Variants in BBS9 observed in about 807,000 individuals in gnomAD.
BBS9 encodes the protein protein PTHB1.
A neutral mutation model predicts 117.7 loss-of-function variants in BBS9; 89 were observed. The ratio of observed to expected loss-of-function variants is 0.76; its 90% CI spans 0.64 to 0.90. BBS9 has a LOEUF of 0.90. Among genes scored for constraint, BBS9 ranks in the 40% least tolerant of loss-of-function variants. The pLI is 0.00. For missense variants in BBS9, 982 were observed against 1,042.2 expected (o/e 0.94, Z 0.80); for synonymous variants, 379 against 370.9 (o/e 1.02, Z -0.25).
intron 1 of BBS9, among the ~76,000 whole-genome samples, chr7:33,135,837 A>G (rs949639655): frequency 6.6e-6 from 1 of 152,064 alleles, no homozygotes; most frequent in Non-Finnish European, 1.5e-5. Flanking sequence ...ATTTATTTAG[A>G]TCTTCTTTAA....
intron 19 of BBS9, among the ~76,000 whole-genome samples, chr7:33,502,331 G>T (rs568213821): frequency 1.3e-5 from 2 of 152,288 alleles, no homozygotes; most frequent in African/African-American, 4.8e-5. Context: ...GGATTTTCAT[G>T]TAGTAAATAC....
intron 21 of BBS9, among the ~76,000 whole-genome samples, chr7:33,617,053 T>A (rs1048624990): frequency 3.9e-5 from 6 of 152,074 alleles, no homozygotes; most frequent in South Asian, 4.1e-4. Flanking sequence ...TCTTTTTTTT[T>A]AAATAAACGG....
intron 4 of BBS9, chr7:33,157,591 A>G (rs183807266): frequency 2.4e-4 from 36 of 152,328 alleles, no homozygotes; most frequent in Admixed American, 2.2e-3. Context: ...TTGAAGTTCC[A>G]GATTGAACTT....
chr7:33,470,402 A>T (rs557101781), intron 19 of BBS9, among the ~76,000 whole-genome samples: 2 of 151,672 alleles, frequency 1.3e-5, no homozygotes, highest in African/African-American at 4.8e-5. Flanking sequence ...TAAAATATAT[A>T]TTTTTTTCTA....
At chr7:33,317,085 C>T (rs1810665376) in intron 9 of BBS9, among the ~76,000 whole-genome samples, 1 of 152,096 alleles carries the variant, frequency 6.6e-6, no homozygotes. Context: ...TATCCAATTG[C>T]TCCAACACTA....
At position 33,155,668 on chromosome 7, in the gene BBS9, A is replaced by T; in HGVS notation, c.294A>T (p.Leu98Phe). ...CCGAAATGCTACATTTGGCTGTGTT[A>T]CATTCTAGAAAACTTTGTGTCTACT... Reference protein sequence around the residue: ...SGTEMLHLAVLHSRKLCVYSV... With the variant: ...SGTEMLHLAVFHSRKLCVYSV... Residue 98 changes from leucine to phenylalanine, a missense_variant, in exon 4 of 23, where the codon TTA becomes TTT. Leu to Phe is a conservative substitution (Grantham distance 22). Coordinates refer to ENST00000242067, the MANE Select transcript of BBS9 (RefSeq NM_198428.3). 6.3e-7 allele frequency: 1 copy of T among 1,599,718 alleles called. No homozygotes were observed.
intron 19 of BBS9, among the ~76,000 whole-genome samples, chr7:33,438,255 T>G (rs1289868559): frequency 6.6e-6 from 1 of 152,198 alleles, no homozygotes; most frequent in Admixed American, 6.5e-5. Context: ...GAAGCTTATA[T>G]TTTTAACCTC....
intron 1 of BBS9, among the ~76,000 whole-genome samples, chr7:33,132,439 C>T (rs111590255): frequency 1.1e-4 from 17 of 152,060 alleles, no homozygotes; most frequent in African/African-American, 3.9e-4. Flanking sequence ...TCCTTTAAGG[C>T]GAAGTCATTA....
chr7:33,362,549 T>C lies in BBS9; in HGVS notation c.1693+4554T>C, dbSNP rs943771596. ...TTCCACTGAATTGCCTTTTCAACTT[T>C]GTTGAAAATCATCTGACCACATTTA... On this transcript the variant is annotated intron_variant, in intron 16 of 22. Coordinates refer to ENST00000242067, the MANE Select transcript of BBS9 (RefSeq NM_198428.3). Among the ~76,000 whole-genome samples the C allele has an allele frequency of 5.9e-5, 9 of 152,322 alleles. No homozygotes were observed. The East Asian group carries it at 1.7e-3, about 29-fold the overall frequency.
chr7:33,302,341 A>C (rs1433946423), intron 9 of BBS9, among the ~76,000 whole-genome samples: 1 of 152,174 alleles, frequency 6.6e-6, no homozygotes, highest in Non-Finnish European at 1.5e-5. Flanking sequence ...ATTACTCAAG[A>C]AATCTTTGAG....
chr7:33,265,345 G>A (rs573110471), intron 7 of BBS9, among the ~76,000 whole-genome samples: 16 of 152,080 alleles, frequency 1.1e-4, no homozygotes, highest in African/African-American at 2.9e-4. Context: ...TTCATTGGTA[G>A]TAAAAAGTAA....
At chr7:33,572,395 A>G (rs928725375) in intron 21 of BBS9, among the ~76,000 whole-genome samples, 1 of 152,184 alleles carries the variant, frequency 6.6e-6, no homozygotes, top group Non-Finnish European at 1.5e-5. Flanking sequence ...TAGTGCTGCA[A>G]TAAACATGGG....
Position 33,273,849 on chromosome 7 carries a change from T to A in BBS9, c.909T>A (p.Thr303=), listed in dbSNP as rs745952025. The change falls in exon 9 of 23, where the codon ACT becomes ACA. Residue 303 remains threonine (T), a synonymous_variant. Transcript: ENST00000242067. Reference sequence around the variant, plus strand: ...CAGTTTCTGAAGGAACAATAAATACTTTGATTGGAAATCATAATAACATGC... The same window carrying A: ...CAGTTTCTGAAGGAACAATAAATACATTGATTGGAAATCATAATAACATGC... The part of the protein sequence containing the change: ...YCSVSEGTIN[T]LIGNHNNMLH... 6.2e-7 allele frequency: 1 copy of A among 1,610,788 alleles called. No individual in the cohort carries two copies. Among genetic ancestry groups the A allele is most frequent in the Non-Finnish European group, 8.5e-7 (1 of 1,177,222 alleles).
chr7:33,634,493 A>G (rs886524661), intron 21 of BBS9, among the ~76,000 whole-genome samples: 3 of 152,210 alleles, frequency 2.0e-5, no homozygotes, highest in African/African-American at 7.2e-5. Flanking sequence ...AATACTTTGC[A>G]TCCTTCCCGG....
intron 9 of BBS9, among the ~76,000 whole-genome samples, chr7:33,333,386 C>T (rs1814562459): frequency 6.6e-6 from 1 of 152,130 alleles, no homozygotes; most frequent in South Asian, 2.1e-4. Context: ...TACATTGTTT[C>T]ATTCCTTTTT....
At chr7:33,583,766 G>A (rs1860416654) in intron 21 of BBS9, among the ~76,000 whole-genome samples, 1 of 152,076 alleles carries the variant, frequency 6.6e-6, no homozygotes, top group South Asian at 2.1e-4. Flanking sequence ...TTTTGGTTGA[G>A]TTTGTATCAT....
intron 9 of BBS9, among the ~76,000 whole-genome samples, chr7:33,294,359 G>GTCCATCCATCCATCCATCCA (rs111245225): frequency 7.2e-6 from 1 of 139,694 alleles, no homozygotes; most frequent in East Asian, 2.1e-4. Context: ...CTATCTCTTT[G>GTCCATCCATCCATCCATCCA]TCCATCCATC....
chr7:33,221,359 G>A lies in BBS9; in HGVS notation c.443-35877G>A, dbSNP rs1325615484. 4.6e-5 allele frequency among the ~76,000 whole-genome samples: 7 copies of A among 152,008 alleles called. No individual in the cohort carries two copies. In the East Asian group the frequency reaches 9.6e-4, roughly 21 times the overall value. ...TAGTCAATATCTGGAATAAATGAACGTGCTAATTATATTTTGATTTAAAAA... is the reference window on the plus strand; with the variant it reads ...TAGTCAATATCTGGAATAAATGAACATGCTAATTATATTTTGATTTAAAAA... On this transcript the variant is annotated intron_variant, in intron 5 of 22. Coordinates refer to ENST00000242067, the MANE Select transcript of BBS9 (RefSeq NM_198428.3).
intron 19 of BBS9, among the ~76,000 whole-genome samples, chr7:33,443,740 A>G (rs1486633025): frequency 2.0e-5 from 3 of 152,220 alleles, no homozygotes; most frequent in Non-Finnish European, 4.4e-5. Flanking sequence ...AATCACGCCA[A>G]AATGGGTTAC....
Sources: gnomAD v4.1 joint callset for allele counts (sites outside exome capture counted in the v4.1 genomes callset) on GRCh38, gnomAD v4.1.1 for gene constraint, MANE v1.5 for transcripts, NCBI Gene and HGNC (gene_info 2026-07-23, HGNC 2026-07-21) for gene names.